TNIK: variants seen among roughly 807,000 people sequenced by gnomAD.
TNIK encodes the protein TRAF2 and NCK-interacting protein kinase.
TNIK carries 49 observed loss-of-function variants against 191.3 expected under a neutral mutation model. The observed-to-expected ratio is 0.26, with a 90% CI of 0.20 to 0.32. The LOEUF (loss-of-function observed/expected upper bound fraction) is 0.32. Ranked by LOEUF, TNIK falls within the 10% of genes least tolerant of loss-of-function variation. The pLI is 1.00. For missense variants in TNIK, 1,155 were observed against 1,702.3 expected (o/e 0.68, Z 5.66); for synonymous variants, 594 against 600.9 (o/e 0.99, Z 0.17).
intron 18 of TNIK, among the ~76,000 whole-genome samples, chr3:171,114,471 TA>T (rs1726375203): frequency 6.6e-6 from 1 of 152,204 alleles, no homozygotes; most frequent in Non-Finnish European, 1.5e-5. Context: ...GGCAACTTTA[TA>T]AGCAGCAATT....
At chr3:171,313,151 A>G (rs1025472219) in intron 2 of TNIK, among the ~76,000 whole-genome samples, 5 of 152,174 alleles carry the variant, frequency 3.3e-5, no homozygotes, top group African/African-American at 1.2e-4. Context: ...ACTCAAAACC[A>G]GGAATATTGC....
In TNIK at chr3:171,460,088, G is replaced by C. The variant is rs763650311; in HGVS notation, c.-25C>G. 5.6e-5 allele frequency: 90 copies of C among 1,595,786 alleles called. No homozygotes were observed. Among genetic ancestry groups the C allele is most frequent in the Non-Finnish European group, 7.3e-5 (85 of 1,170,978 alleles). ...TGTCTACTTCTTCGCTGGAGAAATG[G>C]ACCAAAACCACCCCGAAGCTTTTCC... On this transcript the variant is annotated 5_prime_UTR_variant, in exon 1 of 33. Coordinates refer to ENST00000436636, the MANE Select transcript of TNIK (RefSeq NM_015028.4). This position sits in a 1 kb window ranked among gnomAD's most constrained non-coding sequence, Gnocchi z 6.8.
At chr3:171,459,416 G>C (rs1729163574) in intron 1 of TNIK, among the ~76,000 whole-genome samples, 1 of 152,210 alleles carries the variant, frequency 6.6e-6, no homozygotes, top group African/African-American at 2.4e-5. Flanking sequence ...GGCATTTAAG[G>C]GAGCGCTGAG....
chr3:171,367,509 G>A (rs1001511273), intron 2 of TNIK, among the ~76,000 whole-genome samples: 14 of 150,876 alleles, frequency 9.3e-5, no homozygotes, highest in East Asian at 3.9e-4. Flanking sequence ...CCACTCTCTC[G>A]CCCAGACTGG....
intron 7 of TNIK, among the ~76,000 whole-genome samples, chr3:171,187,852 C>A (rs1293819671): frequency 6.6e-6 from 1 of 152,146 alleles, no homozygotes; most frequent in Non-Finnish European, 1.5e-5. Flanking sequence ...TCAAGTTTTG[C>A]CCAAGTTGTC....
chr3:171,416,810 T>A (rs1723147681), intron 1 of TNIK, among the ~76,000 whole-genome samples: 1 of 152,210 alleles, frequency 6.6e-6, no homozygotes, highest in Non-Finnish European at 1.5e-5. Flanking sequence ...CCTAGGCCTG[T>A]CCTTTACGCT....
rs111642683 is a variant in TNIK at position 171,127,844 on chromosome 3, T to C, written c.1773+870A>G. On this transcript the variant is annotated intron_variant, in intron 16 of 32. Transcript: ENST00000436636. Reference sequence around the variant, plus strand: ...AAACTCCAGTTCAAACAGCATTACATATTTCAAAGGTGACCTTAAAATATT... The same window carrying C: ...AAACTCCAGTTCAAACAGCATTACACATTTCAAAGGTGACCTTAAAATATT... Among the ~76,000 whole-genome samples the C allele has an allele frequency of 9.3e-4, 141 of 152,326 alleles. 1 individual carries two copies. The highest frequency in any genetic ancestry group is 3.3e-3 in the African/African-American group (139 of 41,572).
chr3:171,285,039 C>A (rs1425584531), intron 2 of TNIK, among the ~76,000 whole-genome samples: 1 of 152,200 alleles, frequency 6.6e-6, no homozygotes, highest in African/African-American at 2.4e-5. Flanking sequence ...ACTAAGTTAT[C>A]ATAGCCCTGC....
chr3:171,234,515 A>G (rs1744033074), intron 2 of TNIK, among the ~76,000 whole-genome samples: 1 of 152,148 alleles, frequency 6.6e-6, no homozygotes, highest in African/African-American at 2.4e-5. Flanking sequence ...GGCACCTCTG[A>G]GTGACAGAAA....
At chr3:171,417,099 C>T (rs1183475889) in intron 1 of TNIK, among the ~76,000 whole-genome samples, 1 of 152,172 alleles carries the variant, frequency 6.6e-6, no homozygotes, top group East Asian at 1.9e-4. Flanking sequence ...TACTGAGGCA[C>T]TGTACATCTT....
chr3:171,306,909 A>G (rs1418852315), intron 2 of TNIK, among the ~76,000 whole-genome samples: 1 of 152,194 alleles, frequency 6.6e-6, no homozygotes, highest in African/African-American at 2.4e-5. Flanking sequence ...GAAAAACCTC[A>G]GCCAGCAGCG....
At chr3:171,447,890 C>G (rs1727701109) in intron 1 of TNIK, among the ~76,000 whole-genome samples, 2 of 152,132 alleles carry the variant, frequency 1.3e-5, no homozygotes, top group South Asian at 4.1e-4. Context: ...ATCTCCACAA[C>G]AAAATGCTAA....
intron 18 of TNIK, among the ~76,000 whole-genome samples, chr3:171,118,324 G>A (rs1441612513): frequency 3.9e-5 from 6 of 152,186 alleles, no homozygotes; most frequent in African/African-American, 1.2e-4. Context: ...TCATGCTCAT[G>A]GATAGGAAGA....
rs16855859 is a variant in TNIK, at chr3:171,122,706, G to T, written c.2120+890C>A. 8.4e-3 allele frequency among the ~76,000 whole-genome samples: 1,286 copies of T among 152,264 alleles called. 18 individuals carry two copies. Among genetic ancestry groups the T allele is most frequent in the African/African-American group, 0.029 (1,218 of 41,536 alleles). On this transcript the variant is annotated intron_variant, in intron 18 of 32. Coordinates refer to ENST00000436636, the MANE Select transcript of TNIK (RefSeq NM_015028.4). Reference sequence around the variant, plus strand: ...GTCATTCTCTCTTACTAGCAAAGGAGGGTCCTTTTATTATGAACACAATGA... The same window carrying T: ...GTCATTCTCTCTTACTAGCAAAGGATGGTCCTTTTATTATGAACACAATGA...
In TNIK at chr3:171,215,791, T is replaced by C. The variant is rs936668050; in HGVS notation, c.181-4550A>G. On this transcript the variant is annotated intron_variant, in intron 3 of 32. Transcript: ENST00000436636. The stretch of plus-strand genomic sequence containing the variant: ...CACACTTTAAGTGCCTATGATATGC[T>C]AGCATTTAAAAATGGAATAAAACAT... 3.3e-5 allele frequency among the ~76,000 whole-genome samples: 5 copies of C among 152,324 alleles called. No individual in the cohort carries two copies. In the East Asian group the frequency reaches 9.7e-4, roughly 29 times the overall value.
rs1177635608 is a variant in TNIK at position 171,159,664 on chromosome 3, A to G, written c.1016+1606T>C. On this transcript the variant is annotated intron_variant, in intron 11 of 32. Transcript: ENST00000436636. The surrounding 1 kb of genome is among the most constrained non-coding windows in gnomAD (Gnocchi z 4.1). ...ATTGATATTGAATCAATGTCAGAAG[A>G]TCTGAGCTGTGTTAGTGACTCAACC... is the stretch of plus-strand genomic sequence containing the variant. Among the ~76,000 whole-genome samples the G allele has an allele frequency of 6.6e-6, 1 of 152,226 alleles. No individual in the cohort carries two copies. The highest frequency in any genetic ancestry group is 2.4e-5 in the African/African-American group (1 of 41,460).
In TNIK at chr3:171,107,224, CA is replaced by C; in HGVS notation, c.2383-19del. On this transcript the variant is annotated intron_variant, in intron 20 of 32. Coordinates refer to ENST00000436636, the MANE Select transcript of TNIK (RefSeq NM_015028.4). ...TTGTAGCTCTGAAATGAGAGGAACC[CA>C]ATCCAGAAGAATCCACAGAAGGAGG... The C allele has an allele frequency of 1.2e-6, 2 of 1,609,682 alleles. No homozygotes were observed. Among genetic ancestry groups the C allele is most frequent in the Non-Finnish European group, 1.7e-6 (2 of 1,178,256 alleles).
intron 2 of TNIK, among the ~76,000 whole-genome samples, chr3:171,309,807 T>TA (rs554028037): frequency 1.3e-5 from 2 of 152,216 alleles, no homozygotes; most frequent in South Asian, 2.1e-4. Context: ...GTCTAAAAAC[T>TA]AAAAAACTTA....
At chr3:171,416,429 A>G (rs933937320) in intron 1 of TNIK, among the ~76,000 whole-genome samples, 1 of 152,020 alleles carries the variant, frequency 6.6e-6, no homozygotes, top group Admixed American at 6.6e-5. Flanking sequence ...AACAAATAAG[A>G]TGTAGAGGCT....
Sources: allele counts gnomAD v4.1 joint callset (sites outside exome capture counted in the v4.1 genomes callset), GRCh38; gene constraint gnomAD v4.1.1; non-coding constraint Gnocchi (gnomAD v3.1); transcripts MANE v1.5; gene names NCBI Gene and HGNC (gene_info 2026-07-23, HGNC 2026-07-21).